Variants in SP100 observed in about 807,000 individuals in gnomAD.
SP100 encodes nuclear autoantigen Sp-100.
In SP100, 84 loss-of-function variants were observed where a neutral mutation model predicts 130.0. That is an observed-to-expected ratio of 0.65 (90% CI 0.54 to 0.77). The LOEUF is 0.77. Ranked by LOEUF, SP100 falls within the 30% of genes least tolerant of loss-of-function variation. SP100 has a pLI of 0.00. For synonymous variants in SP100, 331 were observed against 351.7 expected (o/e 0.94, Z 0.66); for missense variants, 978 against 1,052.2 (o/e 0.93, Z 0.97).
intron 17 of SP100, among the ~76,000 whole-genome samples, chr2:230,484,835 T>C (rs2065990581): frequency 6.6e-6 from 1 of 152,222 alleles, no homozygotes; most frequent in Admixed American, 6.5e-5. Flanking sequence ...CTGCTTTACT[T>C]TTTTGTGCTT....
intron 18 of SP100, among the ~76,000 whole-genome samples, chr2:230,495,787 CTTTA>C (rs1360467136): frequency 6.6e-6 from 1 of 152,036 alleles, no homozygotes; most frequent in Non-Finnish European, 1.5e-5. Flanking sequence ...TACTTTATTT[CTTTA>C]TTTATTTTTG....
chr2:230,458,749 C>T (rs771209249), intron 8 of SP100, among the ~76,000 whole-genome samples: 2 of 151,646 alleles, frequency 1.3e-5, no homozygotes, highest in African/African-American at 4.9e-5. Flanking sequence ...AGAGACCTTT[C>T]GTAATGATGG....
chr2:230,502,543 G>A (rs950373440), intron 19 of SP100, among the ~76,000 whole-genome samples: 1 of 152,132 alleles, frequency 6.6e-6, no homozygotes, highest in Admixed American at 6.5e-5. Context: ...AGATGAAGTC[G>A]GTTAATAGAG....
intron 4 of SP100, among the ~76,000 whole-genome samples, chr2:230,445,846 G>T (rs148901272): frequency 6.6e-6 from 1 of 152,100 alleles, no homozygotes; most frequent in South Asian, 2.1e-4. Context: ...AGTTTCTGGC[G>T]CTCCTTGTGC....
In SP100 at chr2:230,416,239, C is replaced by A. The variant is rs543804077; in HGVS notation, c.-58C>A. 4.0e-6 allele frequency: 6 copies of A among 1,496,284 alleles called. No homozygotes were observed. In the South Asian group the frequency reaches 4.6e-5, roughly 11 times the overall value. The allele number at this position is 1,496,284 out of a possible 1,614,324, so 92.7% of individuals were successfully genotyped here. A position where few individuals can be genotyped will look rare whatever the true frequency, so the allele number is the denominator to read the frequency against. ...GCAGCCACACTGCACGCAGGCTGGG[C>A]CGACTGAGGGGCTCAGAGGCCAGGC... On this transcript the variant is annotated 5_prime_UTR_variant, in exon 1 of 29. Coordinates refer to ENST00000340126, the MANE Select transcript of SP100 (RefSeq NM_001080391.2).
At chr2:230,510,682 T>C (rs1575781628) in intron 23 of SP100, 1 of 194,632 alleles carries the variant, frequency 5.1e-6, no homozygotes. Context: ...TTTTTAGTAG[T>C]GACGGGGTTT....
At chr2:230,417,817 T>TA (rs1193403269) in intron 2 of SP100, 152 bp downstream of exon 2, 1 of 1,177,872 alleles carries the variant, frequency 8.5e-7, no homozygotes, top group Non-Finnish European at 1.1e-6. Context: ...GAGGTGTTTG[T>TA]CCTTTTTTTC....
chr2:230,488,158 C>T lies in SP100; in HGVS notation c.1601-6258C>T, dbSNP rs188311725. On this transcript the variant is annotated intron_variant, in intron 17 of 28. Transcript: ENST00000340126. ...ACAGACAATCTGACTTCCCCTCTCC[C>T]GATTTGAATAGTCTTTATTTCTTTC... Among the ~76,000 whole-genome samples, 81 of 152,268 alleles carry T rather than the reference C, an allele frequency of 5.3e-4. 1 individual carries two copies. The highest frequency in any genetic ancestry group is 3.4e-3 in the Middle Eastern group (1 of 292).
At chr2:230,502,921 C>G in intron 19 of SP100, 145 bp from the exon 20 acceptor site, 1 of 589,754 alleles carries the variant, frequency 1.7e-6, no homozygotes, top group Admixed American at 3.1e-5. Context: ...ACTATCTGTC[C>G]CTTTACAAAA....
At chr2:230,446,730 G>A in intron 4 of SP100, 89 bp from the exon 5 acceptor site, 2 of 793,448 alleles carry the variant, frequency 2.5e-6, no homozygotes, top group South Asian at 3.4e-5. Context: ...AGTCACCCAA[G>A]GGCTGGAAAT....
At chr2:230,504,589 G>A (rs1170007456) in intron 21 of SP100, among the ~76,000 whole-genome samples, 2 of 152,182 alleles carry the variant, frequency 1.3e-5, no homozygotes, top group African/African-American at 2.4e-5. Flanking sequence ...AATTACTGCA[G>A]CAACAAATTG....
At chr2:230,515,555 C>T in intron 24 of SP100, 1 of 1,597,554 alleles carries the variant, frequency 6.3e-7, no homozygotes, top group Non-Finnish European at 8.5e-7. Context: ...GTTGTCAAGG[C>T]TGAAAAAAGC....
chr2:230,416,327 AG>A lies in SP100; in HGVS notation c.32+1del. On this transcript the variant is annotated frameshift_variant and splice_region_variant, in exon 1 of 29. Coordinates refer to ENST00000340126, the MANE Select transcript of SP100 (RefSeq NM_001080391.2). LOFTEE classifies it high-confidence loss of function. ...AGGTGGGGGCGGCGACCTGAGCACC[AG>A]GTGAGTCTTTATCTCCCTTCCTTTA... The part of the protein sequence containing the change: MAGGGGDLST[R>X]RLNECISPVA... 6.2e-7 allele frequency: 1 copy of A among 1,613,250 alleles called. No homozygotes were observed. The highest frequency in any genetic ancestry group is 8.5e-7 in the Non-Finnish European group (1 of 1,179,310).
chr2:230,427,867 A>G (rs1029584064), intron 2 of SP100, among the ~76,000 whole-genome samples: 1 of 152,178 alleles, frequency 6.6e-6, no homozygotes, highest in African/African-American at 2.4e-5. Context: ...TGATGTTACA[A>G]TTTACATACT....
At chr2:230,523,389 AGGGAT>A (rs1691266096) in intron 24 of SP100, among the ~76,000 whole-genome samples, 2 of 152,214 alleles carry the variant, frequency 1.3e-5, no homozygotes, top group African/African-American at 4.8e-5. Context: ...AGTGCTGGCC[AGGGAT>A]GGTGACTCAC....
intron 20 of SP100, among the ~76,000 whole-genome samples, chr2:230,503,437 G>A (rs2067147329): frequency 6.6e-6 from 1 of 152,110 alleles, no homozygotes; most frequent in African/African-American, 2.4e-5. Flanking sequence ...GAGTTATTGG[G>A]ATATCCATCA....
At chr2:230,459,795 GCTCCT>G (rs1200625020) in intron 8 of SP100, among the ~76,000 whole-genome samples, 1 of 152,136 alleles carries the variant, frequency 6.6e-6, no homozygotes, top group Non-Finnish European at 1.5e-5. Context: ...CCCCAGTCTT[GCTCCT>G]CTCAAGTCTG....
intron 23 of SP100, 67 bp downstream of exon 23, chr2:230,508,098 C>T: frequency 1.3e-6 from 2 of 1,587,340 alleles, no homozygotes; most frequent in Non-Finnish European, 1.7e-6. Flanking sequence ...TCTCTGTGGA[C>T]TTACAGTCTT....
chr2:230,428,804 G>A (rs1313029384), intron 2 of SP100, among the ~76,000 whole-genome samples: 1 of 152,110 alleles, frequency 6.6e-6, no homozygotes, highest in East Asian at 1.9e-4. Flanking sequence ...GAACAGCAAG[G>A]GGGAAATGCA....
Sources: gnomAD v4.1 joint callset for allele counts (sites outside exome capture counted in the v4.1 genomes callset) on GRCh38, gnomAD v4.1.1 for gene constraint, MANE v1.5 for transcripts, NCBI Gene and HGNC (gene_info 2026-07-23, HGNC 2026-07-21) for gene names.